Variants in AGMO observed in about 807,000 individuals in gnomAD.
AGMO encodes the protein glyceryl-ether monooxygenase.
A neutral mutation model predicts 60.2 loss-of-function variants in AGMO; 75 were observed. The ratio of observed to expected loss-of-function variants is 1.25; its 90% confidence interval spans 1.03 to 1.51. AGMO has a LOEUF of 1.51. AGMO is among the 40% of genes most tolerant of loss of function. The pLI is 0.00. For missense variants in AGMO, 763 were observed against 525.5 expected, an observed-to-expected ratio of 1.45 and a Z score of -4.42; for synonymous variants, 261 against 177.1, an observed-to-expected ratio of 1.47 and a Z score of -3.76.
At chr7:15,252,735 C>A in intron 12 of AGMO, among the ~76,000 whole-genome samples, 1 of 152,130 alleles carries the variant, frequency 6.6e-6, no homozygotes, top group East Asian at 1.9e-4. Flanking sequence ...TCTTGAAATG[C>A]CTGTTAGATT....
chr7:15,535,368 C>T (rs1005295725), intron 3 of AGMO, among the ~76,000 whole-genome samples: 3 of 151,618 alleles, frequency 2.0e-5, no homozygotes, highest in East Asian at 3.9e-4. Flanking sequence ...ATAAAAGAAT[C>T]GGAATTCAAG....
At chr7:15,352,755 G>T (rs985421177) in intron 12 of AGMO, among the ~76,000 whole-genome samples, 8 of 151,586 alleles carry the variant, frequency 5.3e-5, no homozygotes, top group Non-Finnish European at 1.0e-4. Flanking sequence ...CTCAGCGACA[G>T]GATTCTCCTT....
intron 12 of AGMO, among the ~76,000 whole-genome samples, chr7:15,360,667 G>C (rs950286412): frequency 1.3e-5 from 2 of 152,012 alleles, no homozygotes; most frequent in Non-Finnish European, 2.9e-5. Context: ...TGAGGTGTAA[G>C]GGGAGGCCGG....
At chr7:15,250,468 T>C (rs528814282) in intron 12 of AGMO, among the ~76,000 whole-genome samples, 2 of 152,250 alleles carry the variant, frequency 1.3e-5, no homozygotes, top group Non-Finnish European at 1.5e-5. Flanking sequence ...ATTCTCAATA[T>C]CTGATGCTTT....
intron 12 of AGMO, among the ~76,000 whole-genome samples, chr7:15,346,921 A>G (rs1347135458): frequency 6.6e-6 from 1 of 152,002 alleles, no homozygotes; most frequent in African/African-American, 2.4e-5. Flanking sequence ...ATTCATGGAA[A>G]AACGACTCTT....
rs57362970 is a variant in AGMO at position 15,263,733 on chromosome 7, C to T, written c.1264-62374G>A. Among the ~76,000 whole-genome samples the T allele has an allele frequency of 5.4e-3, 813 of 151,934 alleles. 5 individuals carry two copies. The highest frequency in any genetic ancestry group is 0.017 in the Middle Eastern group (5 of 294). ...TATACCATGGAACACTACTCAGCCA[C>T]GAAAAAGGAATGAAATAATGGTATT... On this transcript the variant is annotated intron_variant, in intron 12 of 12. Transcript: ENST00000342526.
chr7:15,277,972 G>A (rs980454170), intron 12 of AGMO, among the ~76,000 whole-genome samples: 1 of 151,978 alleles, frequency 6.6e-6, no homozygotes, highest in Admixed American at 6.6e-5. Flanking sequence ...GGAGGTGAGG[G>A]GTCTGTACAA....
chr7:15,446,176 G>A (rs1781693347), intron 3 of AGMO, among the ~76,000 whole-genome samples: 1 of 152,148 alleles, frequency 6.6e-6, no homozygotes, highest in African/African-American at 2.4e-5. Context: ...AGCGAGTAAT[G>A]GATAGCTTGC....
chr7:15,124,183 C>T, the AGMO span, among the ~76,000 whole-genome samples: 1 of 151,998 alleles, frequency 6.6e-6, no homozygotes, highest in African/African-American at 2.4e-5. Context: ...AACAAAACCC[C>T]AAACCGACCA....
At position 15,561,900 on chromosome 7, in the gene AGMO, C is replaced by A; in HGVS notation, c.-55G>T. 6.5e-7 allele frequency: 1 copy of A among 1,532,294 alleles called. No homozygotes were observed. Among genetic ancestry groups the A allele is most frequent in the Non-Finnish European group, 8.8e-7 (1 of 1,134,312 alleles). The allele number at this position is 1,532,294 out of a possible 1,614,324, so 94.9% of individuals were successfully genotyped here. A position where few individuals can be genotyped will look rare whatever the true frequency, so the allele number is the denominator to read the frequency against. On this transcript the variant is annotated 5_prime_UTR_variant, in exon 1 of 13. Coordinates refer to ENST00000342526, the MANE Select transcript of AGMO (RefSeq NM_001004320.2). ...AATATTTAGGATTCAATGCTTGAAG[C>A]CTGAGGCTGAACAAAGAGGACGAGA... is the stretch of plus-strand genomic sequence containing the variant.
the AGMO span, among the ~76,000 whole-genome samples, chr7:15,177,426 C>A: frequency 6.6e-6 from 1 of 152,036 alleles, no homozygotes; most frequent in Non-Finnish European, 1.5e-5. Context: ...CTTCCTGAAG[C>A]AAATGCTCTT....
chr7:15,405,153 T>C (rs1367985303), intron 5 of AGMO, among the ~76,000 whole-genome samples: 1 of 151,804 alleles, frequency 6.6e-6, no homozygotes, highest in Non-Finnish European at 1.5e-5. Flanking sequence ...ATATTATTAA[T>C]ACATCCATTC....
intron 12 of AGMO, among the ~76,000 whole-genome samples, chr7:15,256,519 G>C (rs1583334299): frequency 6.6e-6 from 1 of 151,790 alleles, no homozygotes; most frequent in Non-Finnish European, 1.5e-5. Context: ...CGTGTGACGT[G>C]TGTAATTTTT....
intron 3 of AGMO, among the ~76,000 whole-genome samples, chr7:15,451,033 A>G (rs1047689768): frequency 6.6e-6 from 1 of 151,394 alleles, no homozygotes; most frequent in African/African-American, 2.4e-5. Flanking sequence ...ATATGTTAGA[A>G]AAATTGCCTA....
chr7:15,350,176 T>C (rs967177300), intron 12 of AGMO, among the ~76,000 whole-genome samples: 2 of 152,158 alleles, frequency 1.3e-5, no homozygotes, highest in East Asian at 1.9e-4. Flanking sequence ...ATTTAAATAC[T>C]TGTTCAAGGA....
intron 3 of AGMO, among the ~76,000 whole-genome samples, chr7:15,444,865 A>G (rs1268334664): frequency 1.3e-5 from 2 of 152,230 alleles, no homozygotes; most frequent in Middle Eastern, 3.4e-3. Context: ...CTCTGAATCT[A>G]TCTCATTGCC....
intron 12 of AGMO, among the ~76,000 whole-genome samples, chr7:15,312,797 TAGCTGGGACCA>T (rs939932369): frequency 2.6e-5 from 4 of 151,448 alleles, no homozygotes; most frequent in Non-Finnish European, 5.9e-5. Context: ...GCCTCCTGAG[TAGCTGGGACCA>T]CAGCTGAGCA....
At chr7:15,397,880 A>C (rs13241910) in intron 5 of AGMO, among the ~76,000 whole-genome samples, 8 of 152,136 alleles carry the variant, frequency 5.3e-5, no homozygotes, top group African/African-American at 1.9e-4. Context: ...TTGGGAAGAA[A>C]GTACAGATAA....
At chr7:15,254,572 T>C (rs1783042883) in intron 12 of AGMO, among the ~76,000 whole-genome samples, 1 of 152,128 alleles carries the variant, frequency 6.6e-6, no homozygotes, top group African/African-American at 2.4e-5. Context: ...TAAAATCAGA[T>C]TAATTGTTAT....
Sources: gnomAD v4.1 joint callset for allele counts (sites outside exome capture counted in the v4.1 genomes callset) on GRCh38, gnomAD v4.1.1 for gene constraint, MANE v1.5 for transcripts, NCBI Gene and HGNC (gene_info 2026-07-23, HGNC 2026-07-21) for gene names.